The following FHIT variants were observed in gnomAD, a reference collection of about 807,000 sequenced individuals.
FHIT encodes fragile histidine triad diadenosine triphosphatase, also known as bis(5'-adenosyl)-triphosphatase.
Under a neutral mutation model 17.9 loss-of-function variants are expected in FHIT, and 19 were observed. That is an observed-to-expected ratio of 1.06 (90% CI 0.74 to 1.56). The LOEUF (loss-of-function observed/expected upper bound fraction) is 1.56, where lower values mean the gene tolerates loss of function less well. FHIT is among the 40% of genes most tolerant of loss of function. FHIT has a pLI of 0.00. For synonymous variants in FHIT, 81 were observed against 69.7 expected (o/e 1.16, Z -0.81); for missense variants, 248 against 189.2 (o/e 1.31, Z -1.82).
intron 4 of FHIT, among the ~76,000 whole-genome samples, chr3:60,758,362 A>T (rs1290415191): frequency 1.3e-5 from 2 of 152,210 alleles, no homozygotes; most frequent in Non-Finnish European, 2.9e-5. Flanking sequence ...TACCCAATGT[A>T]TGGATGCCAT....
chr3:60,618,961 G>T (rs2039034832), intron 4 of FHIT, among the ~76,000 whole-genome samples: 1 of 151,580 alleles, frequency 6.6e-6, no homozygotes, highest in Non-Finnish European at 1.5e-5. Flanking sequence ...CCCCAAAAAG[G>T]AATGCAGTAC....
chr3:60,823,838 G>A (rs1702020335), intron 3 of FHIT, among the ~76,000 whole-genome samples: 1 of 152,190 alleles, frequency 6.6e-6, no homozygotes, highest in African/African-American at 2.4e-5. Flanking sequence ...GGGAAGATTT[G>A]AGGTGCAGGG....
intron 5 of FHIT, among the ~76,000 whole-genome samples, chr3:60,505,247 A>C (rs557936152): frequency 2.4e-4 from 36 of 152,276 alleles, no homozygotes; most frequent in African/African-American, 8.7e-4. Context: ...GCTATGGCTA[A>C]GTAGTTAAGG....
At position 61,094,507 on chromosome 3, in the gene FHIT, C is replaced by T. The variant is rs138968672; in HGVS notation, c.-163-52408G>A. 3.2e-3 allele frequency among the ~76,000 whole-genome samples: 489 copies of T among 152,294 alleles called. 3 individuals are homozygous for T. The highest frequency in any genetic ancestry group is 6.8e-3 in the Middle Eastern group (2 of 294). On this transcript the variant is annotated intron_variant, in intron 2 of 9. Coordinates refer to ENST00000492590, the MANE Select transcript of FHIT (RefSeq NM_002012.4). ...ACATAGTATAGAAGTCCCTGGTTAT[C>T]CGCAGGACAGATGCTTCAAGATCCC...
intron 5 of FHIT, among the ~76,000 whole-genome samples, chr3:60,520,209 C>T (rs1242544844): frequency 1.3e-5 from 2 of 151,950 alleles, no homozygotes; most frequent in African/African-American, 4.8e-5. Flanking sequence ...TAATGACATA[C>T]ATTTATTCTT....
At chr3:61,205,239 G>A (rs1213180671) in intron 1 of FHIT, among the ~76,000 whole-genome samples, 9 of 151,990 alleles carry the variant, frequency 5.9e-5, no homozygotes, top group Admixed American at 2.6e-4. Context: ...CATTTGGGTC[G>A]GTTCCAAGTC....
chr3:60,563,836 T>C (rs1403575476), intron 4 of FHIT, among the ~76,000 whole-genome samples: 3 of 152,202 alleles, frequency 2.0e-5, no homozygotes, highest in African/African-American at 4.8e-5. Context: ...ATTTCCATAA[T>C]ATAAAATGTC....
chr3:61,176,093 A>C (rs1049292084), intron 2 of FHIT, among the ~76,000 whole-genome samples: 12 of 152,260 alleles, frequency 7.9e-5, no homozygotes, highest in African/African-American at 2.9e-4. Context: ...ATGAACATAC[A>C]GAATCGAAAG....
At chr3:60,712,741 T>C (rs1390626378) in intron 4 of FHIT, among the ~76,000 whole-genome samples, 3 of 147,490 alleles carry the variant, frequency 2.0e-5, no homozygotes, top group African/African-American at 7.4e-5. Context: ...CCTAAATATA[T>C]ATGCACCCAA....
At chr3:60,569,140 A>T (rs571043424) in intron 4 of FHIT, among the ~76,000 whole-genome samples, 1 of 152,088 alleles carries the variant, frequency 6.6e-6, no homozygotes, top group Non-Finnish European at 1.5e-5. Flanking sequence ...TTTATACCCA[A>T]ATTCAGTAAA....
At chr3:60,849,441 A>T (rs1575595241) in intron 3 of FHIT, among the ~76,000 whole-genome samples, 1 of 137,702 alleles carries the variant, frequency 7.3e-6, no homozygotes, top group African/African-American at 2.7e-5. Context: ...ACAAAAATGA[A>T]ATATATATAT....
chr3:61,188,378 C>T, intron 2 of FHIT, among the ~76,000 whole-genome samples: 1 of 152,112 alleles, frequency 6.6e-6, no homozygotes. Flanking sequence ...CAAGACTAAA[C>T]CAGAAAGAAG....
chr3:61,057,879 C>T (rs189215006), intron 2 of FHIT, among the ~76,000 whole-genome samples: 7 of 152,212 alleles, frequency 4.6e-5, no homozygotes, highest in East Asian at 1.9e-4. Flanking sequence ...AGAGCTAAGA[C>T]GACTATCTGA....
chr3:60,077,692 A>ACC (rs1337065981), intron 5 of FHIT, among the ~76,000 whole-genome samples: 2,256 of 95,190 alleles, frequency 0.024, 56 homozygotes, highest in African/African-American at 0.1. Context: ...TACTTCACAC[A>ACC]CACACACACA....
At chr3:60,366,986 A>T (rs1203595322) in intron 5 of FHIT, among the ~76,000 whole-genome samples, 2 of 152,206 alleles carry the variant, frequency 1.3e-5, no homozygotes, top group African/African-American at 2.4e-5. Flanking sequence ...TCAACTTGAG[A>T]TTCTACTTTG....
At chr3:60,938,906 T>G (rs1378445684) in intron 3 of FHIT, among the ~76,000 whole-genome samples, 1 of 152,204 alleles carries the variant, frequency 6.6e-6, no homozygotes, top group Non-Finnish European at 1.5e-5. Flanking sequence ...TCATTGCAGG[T>G]TAAAATATGT....
At chr3:59,904,605 T>C (rs1395653313) in intron 8 of FHIT, among the ~76,000 whole-genome samples, 1 of 152,200 alleles carries the variant, frequency 6.6e-6, no homozygotes, top group African/African-American at 2.4e-5. Flanking sequence ...TGCTTGGCCA[T>C]GCTGGTGTGC....
chr3:61,241,450 G>A (rs1407459494), intron 1 of FHIT, among the ~76,000 whole-genome samples: 1 of 152,208 alleles, frequency 6.6e-6, no homozygotes, highest in Non-Finnish European at 1.5e-5. Context: ...AAACTAAGAT[G>A]TGGGAAGAAG....
At chr3:60,431,885 T>C (rs1191170232) in intron 5 of FHIT, among the ~76,000 whole-genome samples, 2 of 152,078 alleles carry the variant, frequency 1.3e-5, no homozygotes, top group Admixed American at 6.6e-5. Flanking sequence ...GTCTCCTGCA[T>C]AGTTTTATTA....
Sources: gnomAD v4.1 joint callset for allele counts (sites outside exome capture counted in the v4.1 genomes callset) on GRCh38, gnomAD v4.1.1 for gene constraint, MANE v1.5 for transcripts, NCBI Gene and HGNC (gene_info 2026-07-23, HGNC 2026-07-21) for gene names.